The following NPR3 variants were observed in gnomAD, a reference collection of about 807,000 sequenced individuals.
NPR3 encodes natriuretic peptide receptor 3.
NPR3 carries 34 observed loss-of-function variants against 54.5 expected under a neutral mutation model. The observed-to-expected ratio is 0.62, with a 90% confidence interval of 0.47 to 0.83. The LOEUF (loss-of-function observed/expected upper bound fraction) is 0.83, where lower values mean the gene tolerates loss of function less well. Ranked by LOEUF, NPR3 falls within the 40% of genes least tolerant of loss-of-function variation. The pLI is 0.00. For synonymous variants in NPR3, 289 were observed against 297.1 expected (o/e 0.97, Z 0.28); for missense variants, 674 against 720.8 (o/e 0.94, Z 0.74).
chr5:32,694,374 G>T (rs1250244582), intron 1 of NPR3, among the ~76,000 whole-genome samples: 1 of 152,130 alleles, frequency 6.6e-6, no homozygotes, highest in Non-Finnish European at 1.5e-5. Flanking sequence ...GATTCCATAA[G>T]CATTTATTGA....
At chr5:32,757,269 T>G (rs1445161890) in intron 3 of NPR3, among the ~76,000 whole-genome samples, 1 of 152,238 alleles carries the variant, frequency 6.6e-6, no homozygotes, top group Non-Finnish European at 1.5e-5. Context: ...TTGTATCCTC[T>G]TTTATTTCAT....
intron 1 of NPR3, chr5:32,713,025 C>A: frequency 3.0e-6 from 1 of 329,174 alleles, no homozygotes; most frequent in Non-Finnish European, 4.4e-6. Flanking sequence ...TTAGCTCGCC[C>A]GCTCTTGGGG....
intron 3 of NPR3, among the ~76,000 whole-genome samples, chr5:32,739,542 T>C: frequency 6.6e-6 from 1 of 152,194 alleles, no homozygotes; most frequent in Non-Finnish European, 1.5e-5. Context: ...CTGCTGTAAG[T>C]TGCTTCCTAC....
chr5:32,728,402 G>T (rs1024563418), intron 2 of NPR3, among the ~76,000 whole-genome samples: 2 of 150,876 alleles, frequency 1.3e-5, no homozygotes, highest in Non-Finnish European at 2.9e-5. Context: ...GGTGGAGGTT[G>T]CAGTGAGCTG....
intron 1 of NPR3, among the ~76,000 whole-genome samples, chr5:32,691,973 C>T (rs767981059): frequency 1.3e-5 from 2 of 152,116 alleles, no homozygotes; most frequent in African/African-American, 2.4e-5. Context: ...TACATGAATG[C>T]ACAAGAAAGA....
chr5:32,742,811 C>G (rs879595749), intron 3 of NPR3, among the ~76,000 whole-genome samples: 1 of 152,004 alleles, frequency 6.6e-6, no homozygotes, highest in African/African-American at 2.4e-5. Context: ...AATACGATAA[C>G]TGAAACAAAA....
rs143192275 is a variant in NPR3, at chr5:32,740,608, GA to G, written c.1059+1588del. Among the ~76,000 whole-genome samples, 628 of 144,468 alleles carry G rather than the reference GA, an allele frequency of 4.3e-3. 5 individuals carry two copies. The highest frequency in any genetic ancestry group is 0.013 in the African/African-American group (528 of 39,874). 94.8% of individuals were successfully genotyped at this position (144,468 alleles called of 152,430 possible). A position where few individuals can be genotyped will look rare whatever the true frequency, so the allele number is the denominator to read the frequency against. On this transcript the variant is annotated intron_variant, in intron 3 of 7. Transcript: ENST00000265074. ...TTCTAGTTGACATATTTGAAAAAGT[GA>G]AAAAAAAAACCCCAGGTGAAGTTAA...
chr5:32,700,047 T>G (rs973370390), intron 1 of NPR3, among the ~76,000 whole-genome samples: 1 of 152,244 alleles, frequency 6.6e-6, no homozygotes, highest in African/African-American at 2.4e-5. Context: ...AGGTTTCTAC[T>G]GAGATGTTTG....
chr5:32,725,316 G>A (rs1739084228), intron 2 of NPR3, among the ~76,000 whole-genome samples: 1 of 152,136 alleles, frequency 6.6e-6, no homozygotes, highest in African/African-American at 2.4e-5. Context: ...TTTGAGTTAT[G>A]TCCATAAATG....
At chr5:32,692,293 A>G (rs1740412988) in intron 1 of NPR3, among the ~76,000 whole-genome samples, 1 of 152,208 alleles carries the variant, frequency 6.6e-6, no homozygotes, top group Non-Finnish European at 1.5e-5. Context: ...CCATGTCATA[A>G]CTCAAGACAA....
At chr5:32,777,239 G>C (rs34555832) in intron 4 of NPR3, among the ~76,000 whole-genome samples, 27,769 of 152,154 alleles carry the variant, frequency 0.18, 2,962 homozygotes, top group East Asian at 0.44. Flanking sequence ...GGGTCCTTAT[G>C]GCTGCTATGT....
chr5:32,704,766 C>T (rs772058379), upstream of NPR3, among the ~76,000 whole-genome samples: 15 of 152,208 alleles, frequency 9.9e-5, no homozygotes, highest in African/African-American at 3.1e-4. Flanking sequence ...CATGCGCTGG[C>T]GTTTGCACAT....
At chr5:32,752,037 A>G (rs1055008810) in intron 3 of NPR3, among the ~76,000 whole-genome samples, 3 of 152,060 alleles carry the variant, frequency 2.0e-5, no homozygotes, top group African/African-American at 7.2e-5. Context: ...CCCCGTCTCT[A>G]CTAAAAATAC....
In NPR3 at chr5:32,712,199, G is replaced by A; in HGVS notation, c.423G>A (p.Ala141=). The A allele has an allele frequency of 6.2e-7, 1 of 1,612,862 alleles. No homozygotes were observed. The highest frequency in any genetic ancestry group is 8.5e-7 in the Non-Finnish European group (1 of 1,179,690). The part of the protein sequence containing the change: ...ILGPVCEYAA[A]PVARLASHWD... ...GGCCAGTGTGCGAGTATGCAGCAGC[G>A]CCAGTGGCCCGGCTTGCATCGCACT... The change falls in exon 1 of 8, where the codon GCG becomes GCA. Residue 141 remains alanine, a synonymous_variant. Transcript: ENST00000265074.
intron 2 of NPR3, among the ~76,000 whole-genome samples, chr5:32,738,277 T>C (rs1416578699): frequency 1.3e-5 from 2 of 152,120 alleles, no homozygotes; most frequent in African/African-American, 4.8e-5. Context: ...CCTAATGCTA[T>C]CCCTTCCCCT....
At chr5:32,733,786 G>C (rs1739585907) in intron 2 of NPR3, among the ~76,000 whole-genome samples, 1 of 152,120 alleles carries the variant, frequency 6.6e-6, no homozygotes, top group African/African-American at 2.4e-5. Context: ...TTCCCCTTTT[G>C]ATATTTTTTC....
intron 3 of NPR3, among the ~76,000 whole-genome samples, chr5:32,741,244 C>A (rs1740024997): frequency 6.6e-6 from 1 of 151,944 alleles, no homozygotes; most frequent in Admixed American, 6.6e-5. Context: ...ATGGTAAAAC[C>A]TCATCTCTAC....
chr5:32,711,527 C>A lies in NPR3; in HGVS notation c.-250C>A, dbSNP rs9716700. On this transcript the variant is annotated 5_prime_UTR_variant, in exon 1 of 8. Coordinates refer to ENST00000265074, the MANE Select transcript of NPR3 (RefSeq NM_001204375.2). ...TATATATATATGTATATTACAGACG[C>A]ACAGGTTTACACCCGGTGAACTTTT... 210,458 of 1,199,638 alleles carry A rather than the reference C, an allele frequency of 0.18. 20,208 individuals are homozygous for A. Among genetic ancestry groups the A allele is most frequent in the Non-Finnish European group, 0.19 (188,581 of 967,822 alleles). 74.3% of individuals were successfully genotyped at this position (1,199,638 alleles called of 1,614,324 possible).
intron 3 of NPR3, among the ~76,000 whole-genome samples, chr5:32,760,306 C>T (rs1485869961): frequency 1.3e-5 from 2 of 152,154 alleles, no homozygotes; most frequent in Admixed American, 6.5e-5. Flanking sequence ...TATCATTTTA[C>T]ATTCCAACCA....
Sources: gnomAD v4.1 joint callset for allele counts (sites outside exome capture counted in the v4.1 genomes callset) on GRCh38, gnomAD v4.1.1 for gene constraint, MANE v1.5 for transcripts, NCBI Gene and HGNC (gene_info 2026-07-23, HGNC 2026-07-21) for gene names.